CNTLN: variants seen among roughly 807,000 people sequenced by gnomAD.
The protein encoded by CNTLN is centlein.
A neutral mutation model predicts 180.0 loss-of-function variants in CNTLN; 212 were observed. The ratio of observed to expected loss-of-function variants is 1.18; its 90% CI spans 1.05 to 1.32. CNTLN has a LOEUF of 1.32. Among genes scored for constraint, CNTLN ranks in the 40% most tolerant of loss-of-function variants. The pLI, the probability that CNTLN is intolerant of heterozygous loss-of-function variation, is 0.00. For synonymous variants in CNTLN, 722 were observed against 563.1 expected, an observed-to-expected ratio of 1.28 and a Z score of -3.99; for missense variants, 2,095 against 1,610.9, an observed-to-expected ratio of 1.30 and a Z score of -5.14.
chr9:17,515,849 A>G, the CNTLN span, among the ~76,000 whole-genome samples: 1 of 152,196 alleles, frequency 6.6e-6, no homozygotes, highest in Non-Finnish European at 1.5e-5. Flanking sequence ...AAAACACATG[A>G]GACCATGTCA....
intron 8 of CNTLN, among the ~76,000 whole-genome samples, chr9:17,323,154 A>T (rs973149076): frequency 7.2e-5 from 11 of 151,980 alleles, no homozygotes; most frequent in African/African-American, 2.7e-4. Flanking sequence ...CTTTTTTTTC[A>T]TATAAAGCTG....
At chr9:17,375,020 A>T (rs1824638879) in intron 13 of CNTLN, among the ~76,000 whole-genome samples, 2 of 152,222 alleles carry the variant, frequency 1.3e-5, no homozygotes, top group Admixed American at 6.5e-5. Context: ...AAGCAACCCA[A>T]ATGTTCATCA....
intron 5 of CNTLN, among the ~76,000 whole-genome samples, chr9:17,270,605 A>G (rs1411264453): frequency 1.3e-5 from 2 of 152,152 alleles, no homozygotes; most frequent in African/African-American, 2.4e-5. Context: ...GTCATTTCAT[A>G]AAATGAGTTG....
chr9:17,417,177 T>C (rs1406355911), intron 18 of CNTLN, among the ~76,000 whole-genome samples: 1 of 152,140 alleles, frequency 6.6e-6, no homozygotes, highest in Non-Finnish European at 1.5e-5. Flanking sequence ...AGCTCTATGT[T>C]AGAATTTAGA....
chr9:17,429,537 A>G (rs1396288350), intron 18 of CNTLN, among the ~76,000 whole-genome samples: 2 of 152,058 alleles, frequency 1.3e-5, no homozygotes, highest in Non-Finnish European at 2.9e-5. Flanking sequence ...GAAATATAAC[A>G]TTTTTATGAT....
intron 5 of CNTLN, among the ~76,000 whole-genome samples, chr9:17,265,553 T>C (rs1252919401): frequency 6.6e-6 from 1 of 152,190 alleles, no homozygotes; most frequent in Non-Finnish European, 1.5e-5. Context: ...GATGCTGGCC[T>C]CATAAAATGA....
At position 17,463,054 on chromosome 9, in the gene CNTLN, C is replaced by T. The variant is rs748326595; in HGVS notation, c.3404+41C>T. On this transcript the variant is annotated intron_variant, in intron 20 of 25. Coordinates refer to ENST00000380647, the MANE Select transcript of CNTLN (RefSeq NM_017738.4). Reference sequence around the variant, plus strand: ...TTCTATCCATTGTATTTGGTGCCACCTAGTGGCAACCAGCTCTATTAAACG... The same window carrying T: ...TTCTATCCATTGTATTTGGTGCCACTTAGTGGCAACCAGCTCTATTAAACG... 2.6e-6 allele frequency: 3 copies of T among 1,156,400 alleles called. No individual in the cohort carries two copies. The Admixed American group carries it at 6.7e-5, about 26-fold the overall frequency. The allele number at this position is 1,156,400 out of a possible 1,614,324, so 71.6% of individuals were successfully genotyped here. A position where few individuals can be genotyped will look rare whatever the true frequency, so the allele number is the denominator to read the frequency against.
intron 9 of CNTLN, among the ~76,000 whole-genome samples, chr9:17,331,581 TTAAGA>T (rs1229830649): frequency 2.6e-5 from 4 of 152,038 alleles, no homozygotes; most frequent in Non-Finnish European, 5.9e-5. Context: ...AGCCATGTTG[TTAAGA>T]TAATTGTTTT....
intron 13 of CNTLN, among the ~76,000 whole-genome samples, chr9:17,375,814 T>C (rs1824712890): frequency 2.6e-5 from 4 of 152,202 alleles, no homozygotes; most frequent in Admixed American, 2.6e-4. Flanking sequence ...GGGGAATGTC[T>C]CACTGCTCAA....
At chr9:17,258,297 G>C (rs1017475327) in intron 5 of CNTLN, among the ~76,000 whole-genome samples, 1 of 146,960 alleles carries the variant, frequency 6.8e-6, no homozygotes, top group Non-Finnish European at 1.5e-5. Context: ...TAGATATGCG[G>C]CGTTATTTCT....
Position 17,502,597 on chromosome 9 carries a change from A to G in CNTLN, c.4166A>G (p.Asn1389Ser). 1 of 1,417,194 alleles carries G rather than the reference A, an allele frequency of 7.1e-7. No individual in the cohort carries two copies. Among genetic ancestry groups the G allele is most frequent in the Non-Finnish European group, 9.6e-7 (1 of 1,036,384 alleles). The allele number at this position is 1,417,194 out of a possible 1,614,324, so 87.8% of individuals were successfully genotyped here. ...YLLEAVLEKI[N>S]EKKKLVEGYF... ...CTAGAAGCAGTACTGGAAAAAATAA[A>G]TGAAAAAAAGAAACTAGTTGAAGGA... Residue 1389 changes from asparagine to serine, a missense_variant, in exon 26 of 26, where the codon AAT becomes AGT. Asn to Ser is a conservative substitution (Grantham distance 46, BLOSUM62 1). Transcript: ENST00000380647.
chr9:17,188,011 C>CATAT (rs10556334), intron 2 of CNTLN, among the ~76,000 whole-genome samples: 208 of 145,780 alleles, frequency 1.4e-3, no homozygotes, highest in African/African-American at 3.2e-3. Context: ...ATATATACAC[C>CATAT]ATATATATAT....
Position 17,493,944 on chromosome 9 carries a change from A to T in CNTLN, c.4119+6878A>T, listed in dbSNP as rs138826152. Among the ~76,000 whole-genome samples the T allele has an allele frequency of 7.0e-3, 1,072 of 152,320 alleles. 15 individuals carry two copies. Among genetic ancestry groups the T allele is most frequent in the African/African-American group, 0.024 (978 of 41,590 alleles). ...GGGTTGCGTTCTGTCTCACGTTAGC[A>T]TGAGAAGAAGTTAGCTCAAGGCAAG... On this transcript the variant is annotated intron_variant, in intron 25 of 25. Coordinates refer to ENST00000380647, the MANE Select transcript of CNTLN (RefSeq NM_017738.4).
chr9:17,305,234 G>A (rs764888439), intron 7 of CNTLN, among the ~76,000 whole-genome samples: 4 of 152,142 alleles, frequency 2.6e-5, no homozygotes, highest in Non-Finnish European at 5.9e-5. Context: ...AAAATAGCAT[G>A]AAGAATAGTA....
intron 15 of CNTLN, among the ~76,000 whole-genome samples, chr9:17,404,846 T>G (rs1196057574): frequency 6.6e-6 from 1 of 151,036 alleles, no homozygotes; most frequent in Non-Finnish European, 1.5e-5. Flanking sequence ...CAAACGATTC[T>G]CCTGCCTCAG....
At chr9:17,344,443 G>A (rs1193925172) in intron 12 of CNTLN, among the ~76,000 whole-genome samples, 2 of 152,066 alleles carry the variant, frequency 1.3e-5, no homozygotes, top group Admixed American at 6.6e-5. Context: ...AAACTTTAAC[G>A]TAAGCTTTTT....
chr9:17,426,573 A>G (rs1221589560), intron 18 of CNTLN, among the ~76,000 whole-genome samples: 1 of 151,696 alleles, frequency 6.6e-6, no homozygotes, highest in Admixed American at 6.6e-5. Context: ...TATATATGTA[A>G]TAATTTTATT....
chr9:17,241,306 G>A (rs1825478910), intron 5 of CNTLN, among the ~76,000 whole-genome samples: 1 of 152,166 alleles, frequency 6.6e-6, no homozygotes, highest in Non-Finnish European at 1.5e-5. Context: ...ACAGTTAACT[G>A]AAGACACTGT....
chr9:17,227,143 C>T (rs1282844876), intron 3 of CNTLN, among the ~76,000 whole-genome samples: 1 of 151,572 alleles, frequency 6.6e-6, no homozygotes, highest in African/African-American at 2.4e-5. Flanking sequence ...GCAAAATCAG[C>T]ACCAAGCCAT....
Sources: gnomAD v4.1 joint callset for allele counts (sites outside exome capture counted in the v4.1 genomes callset) on GRCh38, gnomAD v4.1.1 for gene constraint, MANE v1.5 for transcripts, NCBI Gene and HGNC (gene_info 2026-07-23, HGNC 2026-07-21) for gene names.